NUP88: variants seen among roughly 807,000 people sequenced by gnomAD.
NUP88 encodes nucleoporin 88.
A neutral mutation model predicts 93.9 loss-of-function variants in NUP88; 57 were observed. That is an observed-to-expected ratio of 0.61 (90% CI 0.49 to 0.76). The LOEUF is 0.76. NUP88 is among the 30% of genes least tolerant of loss of function. The pLI, the probability that NUP88 is intolerant of heterozygous loss-of-function variation, is 0.00. For synonymous variants in NUP88, 346 were observed against 336.8 expected (o/e 1.03, Z -0.30); for missense variants, 911 against 901.0 (o/e 1.01, Z -0.14).
chr17:5,389,001 AT>A, intron 10 of NUP88, 41 bp from the exon 11 acceptor site: 1 of 1,461,182 alleles, frequency 6.8e-7, no homozygotes, highest in Non-Finnish European at 9.4e-7. Flanking sequence ...CCATGGAGTG[AT>A]TTACTGTATT....
intron 9 of NUP88, among the ~76,000 whole-genome samples, 193 bp from the exon 10 acceptor site, chr17:5,391,855 G>T (rs879832522): frequency 6.6e-6 from 1 of 152,208 alleles, no homozygotes; most frequent in African/African-American, 2.4e-5. Context: ...GAGCCCATGT[G>T]ACTAAGTCAC....
At position 5,391,605 on chromosome 17, in the gene NUP88, C is replaced by A. The variant is rs544293205; in HGVS notation, c.1440G>T (p.Met480Ile). The A allele has an allele frequency of 6.2e-7, 1 of 1,614,152 alleles. No homozygotes were observed. The highest frequency in any genetic ancestry group is 1.1e-5 in the South Asian group (1 of 91,078). Residue 480 changes from methionine (M) to isoleucine (I), a missense_variant, in exon 10 of 17, where the codon ATG (methionine) becomes ATT (isoleucine). Met to Ile is a conservative substitution (Grantham distance 10, BLOSUM62 1). Transcript: ENST00000573584. ...WIVPDILGPT[M>I]ICITSTYECL... ...ATTCATAGGTACTGGTGATGCAGAT[C>A]ATCGTGGGTCCCAGAATGTCAGGTA...
Position 5,385,493 on chromosome 17 carries a change from T to C in NUP88, c.*713A>G, listed in dbSNP as rs773740702. The C allele has an allele frequency of 7.8e-5, 18 of 230,500 alleles. No homozygotes were observed. Among genetic ancestry groups the C allele is most frequent in the Non-Finnish European group, 1.4e-4 (16 of 116,426 alleles). 14.3% of individuals were successfully genotyped at this position (230,500 alleles called of 1,614,324 possible). A position where few individuals can be genotyped will look rare whatever the true frequency, so the allele number is the denominator to read the frequency against. On this transcript the variant is annotated 3_prime_UTR_variant, in exon 17 of 17. Coordinates refer to ENST00000573584, the MANE Select transcript of NUP88 (RefSeq NM_002532.6). The stretch of plus-strand genomic sequence containing the variant: ...ATAGTAGTACCTTTCAGAACTCACA[T>C]TGGCAAGTGTAAAAAGATGACTTAA...
At chr17:5,413,249 G>A (rs1041829057) in intron 3 of NUP88, among the ~76,000 whole-genome samples, 29 of 152,190 alleles carry the variant, frequency 1.9e-4, no homozygotes, top group African/African-American at 6.5e-4. Context: ...TGGGATTACA[G>A]GTGTGAGCCA....
intron 5 of NUP88, among the ~76,000 whole-genome samples, chr17:5,406,085 A>C (rs1416540682): frequency 6.6e-6 from 1 of 152,236 alleles, no homozygotes; most frequent in African/African-American, 2.4e-5. Flanking sequence ...CCAGTGAATG[A>C]TGGTTTAGTT....
At chr17:5,413,644 TCA>T (rs1183563179) in intron 3 of NUP88, among the ~76,000 whole-genome samples, 1 of 152,176 alleles carries the variant, frequency 6.6e-6, no homozygotes, top group African/African-American at 2.4e-5. Context: ...GCTCAAGATC[TCA>T]AAGATAACAG....
rs751178798 is a variant in NUP88, at chr17:5,386,765, G to C, written c.2105C>G (p.Pro702Arg). 2 of 1,614,000 alleles carry C rather than the reference G, an allele frequency of 1.2e-6. No individual in the cohort carries two copies. The highest frequency in any genetic ancestry group is 1.7e-6 in the Non-Finnish European group (2 of 1,179,926). Reference sequence around the variant, plus strand: ...CTGGTAGGCACTGAGAATAATGGTGGGTTTTGGAAGACTCAACACCTTCTC... The same window carrying C: ...CTGGTAGGCACTGAGAATAATGGTGCGTTTTGGAAGACTCAACACCTTCTC... ...KMEKVLSLPK[P>R]TIILSAYQRK... The change falls in exon 16 of 17, where the codon CCC (proline) becomes CGC (arginine). Residue 702 changes from proline (P) to arginine (R), a missense_variant. Pro to Arg is a moderately radical substitution (Grantham distance 103). Transcript: ENST00000573584.
At chr17:5,419,332 T>C (rs1359825286) in intron 1 of NUP88, 22 bp downstream of exon 1, 9 of 1,537,516 alleles carry the variant, frequency 5.9e-6, no homozygotes. Flanking sequence ...GAGGGTCACT[T>C]CCAAGATCGG....
At chr17:5,393,117 TA>T (rs1912546422) in intron 9 of NUP88, among the ~76,000 whole-genome samples, 1 of 115,478 alleles carries the variant, frequency 8.7e-6, no homozygotes, top group Non-Finnish European at 1.8e-5. Context: ...TACACCCAGC[TA>T]ATTTTTTTTT....
chr17:5,404,264 G>T lies in NUP88; in HGVS notation c.1045-18C>A, dbSNP rs749376854. 1.2e-6 allele frequency: 2 copies of T among 1,610,066 alleles called. No homozygotes were observed. Among genetic ancestry groups the T allele is most frequent in the South Asian group, 1.1e-5 (1 of 90,242 alleles). ...TTTTCTGACTGTAAAAAAAAGTGTTGTAATTTTGATCTTGCATGTTAATTT... is the reference window on the plus strand; with the variant it reads ...TTTTCTGACTGTAAAAAAAAGTGTTTTAATTTTGATCTTGCATGTTAATTT... On this transcript the variant is annotated intron_variant, in intron 6 of 16. Transcript: ENST00000573584.
At chr17:5,406,264 G>GC (rs1422092616) in intron 5 of NUP88, among the ~76,000 whole-genome samples, 2 of 152,204 alleles carry the variant, frequency 1.3e-5, no homozygotes, top group Non-Finnish European at 2.9e-5. Flanking sequence ...GGATTGTTGA[G>GC]CATTCCAAGC....
At position 5,393,197 on chromosome 17, in the gene NUP88, C is replaced by T. The variant is rs541228253; in HGVS notation, c.1383-1535G>A. Among the ~76,000 whole-genome samples, 50 of 152,012 alleles carry T rather than the reference C, an allele frequency of 3.3e-4. 1 individual carries two copies. In the South Asian group the frequency reaches 9.8e-3, roughly 30 times the overall value. ...GTCTCGAACTCCTGACCTAGTAATT[C>T]GCCTGCCTCAGCCTCCCAAAGTGCT... On this transcript the variant is annotated intron_variant, in intron 9 of 16. Coordinates refer to ENST00000573584, the MANE Select transcript of NUP88 (RefSeq NM_002532.6).
At position 5,392,824 on chromosome 17, in the gene NUP88, C is replaced by G. The variant is rs529128146; in HGVS notation, c.1383-1162G>C. On this transcript the variant is annotated intron_variant, in intron 9 of 16. Transcript: ENST00000573584. ...GGTTTTTTTGAGATAGGGTCTCACTCTGTTGCCGAGGCTGGAGTGCAATAG... is the reference window on the plus strand; with the variant it reads ...GGTTTTTTTGAGATAGGGTCTCACTGTGTTGCCGAGGCTGGAGTGCAATAG... Among the ~76,000 whole-genome samples the G allele has an allele frequency of 2.0e-5, 3 of 152,302 alleles. No homozygotes were observed. The South Asian group carries it at 6.2e-4, about 32-fold the overall frequency.
At chr17:5,401,742 T>G (rs1913182277) in intron 7 of NUP88, among the ~76,000 whole-genome samples, 1 of 152,240 alleles carries the variant, frequency 6.6e-6, no homozygotes, top group Non-Finnish European at 1.5e-5. Flanking sequence ...ATCATCTCAT[T>G]AAATCTAACA....
chr17:5,397,977 GA>G (rs60502934), intron 8 of NUP88, among the ~76,000 whole-genome samples: 71,211 of 150,550 alleles, frequency 0.47, 17,527 homozygotes, highest in East Asian at 0.84. Context: ...ATCTCGACTC[GA>G]ATACAGCAGT....
At chr17:5,410,358 T>C (rs550996426) in intron 4 of NUP88, among the ~76,000 whole-genome samples, 13 of 152,184 alleles carry the variant, frequency 8.5e-5, no homozygotes, top group Middle Eastern at 3.2e-3. Context: ...CAAATATGGT[T>C]AAAATGAAAT....
intron 14 of NUP88, 120 bp from the exon 15 acceptor site, chr17:5,387,230 G>C (rs775309678): frequency 2.3e-6 from 3 of 1,308,268 alleles, no homozygotes; most frequent in Non-Finnish European, 3.2e-6. Context: ...GGAAGGGTTA[G>C]GGGAGAGCCT....
intron 7 of NUP88, 113 bp from the exon 8 acceptor site, chr17:5,399,763 G>A (rs573658637): frequency 3.9e-6 from 2 of 517,698 alleles, no homozygotes; most frequent in Admixed American, 3.8e-5. Context: ...TTGATGGAAG[G>A]TTTTATAAAA....
At chr17:5,415,145 G>C (rs1914064435) in intron 2 of NUP88, among the ~76,000 whole-genome samples, 1 of 151,708 alleles carries the variant, frequency 6.6e-6, no homozygotes, top group Non-Finnish European at 1.5e-5. Flanking sequence ...TTAACCTCCT[G>C]AGTAGCTGGG....
Sources: allele counts gnomAD v4.1 joint callset (sites outside exome capture counted in the v4.1 genomes callset), GRCh38; gene constraint gnomAD v4.1.1; transcripts MANE v1.5; gene names NCBI Gene and HGNC (gene_info 2026-07-23, HGNC 2026-07-21).